The following HEATR4 variants were observed in gnomAD, a reference collection of about 807,000 sequenced individuals.
HEATR4 encodes HEAT repeat containing 4.
In HEATR4, 95 loss-of-function variants were observed where a neutral mutation model predicts 108.8. That is an observed-to-expected ratio of 0.87 (90% CI 0.74 to 1.04). The LOEUF (loss-of-function observed/expected upper bound fraction) is 1.04, where lower values mean the gene tolerates loss of function less well. HEATR4 is among the 50% of genes least tolerant of loss of function. The pLI, the probability that HEATR4 is intolerant of heterozygous loss-of-function variation, is 0.00. For synonymous variants in HEATR4, 443 were observed against 459.4 expected, an observed-to-expected ratio of 0.96 and a Z score of 0.46; for missense variants, 1,152 against 1,253.8, an observed-to-expected ratio of 0.92 and a Z score of 1.23.
the HEATR4 span, among the ~76,000 whole-genome samples, chr14:73,611,270 G>A: frequency 6.6e-6 from 1 of 152,188 alleles, no homozygotes; most frequent in African/African-American, 2.4e-5. Flanking sequence ...GTTGGGTTTG[G>A]CCAAAGAGAG....
the HEATR4 span, among the ~76,000 whole-genome samples, chr14:73,610,623 C>G: frequency 6.6e-6 from 1 of 152,090 alleles, no homozygotes; most frequent in Admixed American, 6.6e-5. Context: ...AGACAAACCT[C>G]TGCCTCCAGA....
the HEATR4 span, chr14:73,616,894 C>T: frequency 1.8e-6 from 1 of 568,864 alleles, no homozygotes; most frequent in Non-Finnish European, 3.1e-6. Context: ...CTTTCTCTGC[C>T]AATCTCTCTA....
chr14:73,492,740 C>T lies in HEATR4; in HGVS notation c.2844+326G>A. The T allele has an allele frequency of 6.2e-7, 1 of 1,613,898 alleles. No homozygotes were observed. Among genetic ancestry groups the T allele is most frequent in the Non-Finnish European group, 8.5e-7 (1 of 1,179,888 alleles). ...TCTCTATTACACAGTGGAAAACTCC[C>T]GTGTGTATCATCTGGAAGAACCCAA... On this transcript the variant is annotated intron_variant, in intron 17 of 17. Coordinates refer to ENST00000553558, the MANE Select transcript of HEATR4 (RefSeq NM_001220484.1). This position sits in a 1 kb window ranked among gnomAD's most constrained non-coding sequence, Gnocchi z 4.9.
the HEATR4 span, among the ~76,000 whole-genome samples, chr14:73,572,749 G>A: frequency 8.8e-5 from 13 of 148,028 alleles, no homozygotes; most frequent in East Asian, 2.0e-3. Flanking sequence ...GGGTTCAAGC[G>A]ATTCTCCTCC....
the HEATR4 span, among the ~76,000 whole-genome samples, chr14:73,590,501 C>T: frequency 1.3e-5 from 2 of 152,344 alleles, no homozygotes; most frequent in South Asian, 4.1e-4. Context: ...CTTGGGCGGT[C>T]GATGGGACTG....
chr14:73,579,447 C>T, the HEATR4 span, among the ~76,000 whole-genome samples: 5 of 149,328 alleles, frequency 3.3e-5, no homozygotes, highest in African/African-American at 7.4e-5. Context: ...TGGTGCTGGG[C>T]GCCTGTAATC....
the HEATR4 span, among the ~76,000 whole-genome samples, chr14:73,619,055 G>A: frequency 6.6e-6 from 1 of 152,088 alleles, no homozygotes; most frequent in African/African-American, 2.4e-5. Context: ...GCTTGAACCC[G>A]GGAGGTGGAG....
chr14:73,608,890 C>T, the HEATR4 span, among the ~76,000 whole-genome samples: 2 of 152,110 alleles, frequency 1.3e-5, no homozygotes, highest in African/African-American at 2.4e-5. Flanking sequence ...CTTCACATGG[C>T]GGCAACAAAA....
rs1283091786 is a variant in HEATR4 at position 73,479,416 on chromosome 14, T to TC, written c.2845-575_2845-574insG. Among the ~76,000 whole-genome samples, 14 of 9,974 alleles carry TC rather than the reference T, an allele frequency of 1.4e-3. No homozygotes were observed. In the East Asian group the frequency reaches 0.027, roughly 20 times the overall value. The allele number at this position is 9,974 out of a possible 152,430, so 6.5% of individuals were successfully genotyped here. On this transcript the variant is annotated intron_variant, in intron 17 of 17. Coordinates refer to ENST00000553558, the MANE Select transcript of HEATR4 (RefSeq NM_001220484.1). ...GGTGTCAGCCACTGCGCCCGGCGTTTTTTTTTCTTTCTTTCTTTCTTTCTT... is the reference window on the plus strand; with the variant it reads ...GGTGTCAGCCACTGCGCCCGGCGTTTCTTTTTTCTTTCTTTCTTTCTTTCTT...
chr14:73,492,975 G>A lies in HEATR4; in HGVS notation c.2844+91C>T, dbSNP rs1434450697. ...GTTGATTGCTGGAAACAAGGCAGTA[G>A]TGATTCTCCGCTGCCACTGCTACCT... On this transcript the variant is annotated intron_variant, in intron 17 of 17. Coordinates refer to ENST00000553558, the MANE Select transcript of HEATR4 (RefSeq NM_001220484.1). The surrounding 1 kb of genome is among the most constrained non-coding windows in gnomAD (Gnocchi z 4.9). The A allele has an allele frequency of 1.3e-6, 2 of 1,595,686 alleles. No homozygotes were observed. The highest frequency in any genetic ancestry group is 2.7e-5 in the African/African-American group (2 of 73,330).
At chr14:73,617,368 T>C in the HEATR4 span, among the ~76,000 whole-genome samples, 1 of 152,136 alleles carries the variant, frequency 6.6e-6, no homozygotes, top group African/African-American at 2.4e-5. Flanking sequence ...TAGTCCCAGC[T>C]ACCTGGGAGG....
At chr14:73,622,432 C>T in the HEATR4 span, among the ~76,000 whole-genome samples, 5 of 152,230 alleles carry the variant, frequency 3.3e-5, no homozygotes, top group East Asian at 1.9e-4. Flanking sequence ...CACAGAGTTT[C>T]GCTCTTGTTG....
the HEATR4 span, among the ~76,000 whole-genome samples, chr14:73,607,256 G>A: frequency 7.9e-5 from 12 of 152,216 alleles, no homozygotes; most frequent in Non-Finnish European, 1.8e-4. Flanking sequence ...GTTGCAGTGA[G>A]CCAAGATTGC....
chr14:73,587,056 G>A, the HEATR4 span, among the ~76,000 whole-genome samples: 31 of 151,756 alleles, frequency 2.0e-4, no homozygotes, highest in East Asian at 5.8e-3. Context: ...AGTTTTATGG[G>A]GATATTACCA....
chr14:73,550,741 T>C lies in HEATR4; in HGVS notation c.-152+8010A>G, dbSNP rs1288580999. ...ATAAATTACTCTATGCTGCACTTCT[T>C]TGCTGTGTGTCTCTTGTTTAAATTC... On this transcript the variant is annotated intron_variant, in intron 1 of 17. Transcript: ENST00000553558. Among the ~76,000 whole-genome samples the C allele has an allele frequency of 1.7e-5, 2 of 115,744 alleles. 1 individual carries two copies. The highest frequency in any genetic ancestry group is 5.6e-5 in the African/African-American group (2 of 35,544). 75.9% of individuals were successfully genotyped at this position (115,744 alleles called of 152,430 possible).
chr14:73,591,962 G>A, the HEATR4 span: 2 of 1,373,494 alleles, frequency 1.5e-6, no homozygotes, highest in South Asian at 1.8e-5. Context: ...GCTCCAAGAT[G>A]TCAGCAACGC....
chr14:73,491,936 A>T, intron 17 of HEATR4: 1 of 1,613,486 alleles, frequency 6.2e-7, no homozygotes, highest in Non-Finnish European at 8.5e-7. Context: ...TTTCTCTACT[A>T]CTGTGTGGCA....
chr14:73,504,204 A>G (rs1171995609), intron 10 of HEATR4, among the ~76,000 whole-genome samples: 1 of 147,906 alleles, frequency 6.8e-6, no homozygotes. Context: ...GAGCCTCCTG[A>G]GTAGCTGGGA....
Position 73,520,949 on chromosome 14 carries a change from G to A in HEATR4, c.972C>T (p.Ser324=), listed in dbSNP as rs756754170. Residue 324 remains serine, a synonymous_variant, in exon 4 of 18, where the codon TCC becomes TCT. Transcript: ENST00000553558. ...GAAAGTAGCTCTGGGTTTGGGGCTGGGAGAGGCTCGTCTTTTCATGGATAT... is the reference window on the plus strand; with the variant it reads ...GAAAGTAGCTCTGGGTTTGGGGCTGAGAGAGGCTCGTCTTTTCATGGATAT... ...TEDIHEKTSL[S]QPQTQSYFRQ... The A allele has an allele frequency of 6.2e-7, 1 of 1,613,972 alleles. No homozygotes were observed. The highest frequency in any genetic ancestry group is 8.5e-7 in the Non-Finnish European group (1 of 1,180,012).
Sources: gnomAD v4.1 joint callset for allele counts (sites outside exome capture counted in the v4.1 genomes callset) on GRCh38, gnomAD v4.1.1 for gene constraint, Gnocchi (gnomAD v3.1) non-coding constraint, MANE v1.5 for transcripts, NCBI Gene and HGNC (gene_info 2026-07-23, HGNC 2026-07-21) for gene names.